Variants in MTRF1 observed in about 807,000 individuals in gnomAD.
MTRF1 encodes the protein peptide chain release factor 1, mitochondrial.
A neutral mutation model predicts 62.9 loss-of-function variants in MTRF1; 51 were observed. That is an observed-to-expected ratio of 0.81 (90% CI 0.65 to 1.02). The LOEUF is 1.02. Among genes scored for constraint, MTRF1 ranks in the 50% least tolerant of loss-of-function variants. The pLI is 0.00. For missense variants in MTRF1, 446 were observed against 530.0 expected (o/e 0.84, Z 1.56); for synonymous variants, 158 against 181.9 (o/e 0.87, Z 1.06).
intron 6 of MTRF1, among the ~76,000 whole-genome samples, chr13:41,234,894 G>A (rs1233315377): frequency 1.3e-5 from 2 of 152,132 alleles, no homozygotes; most frequent in Admixed American, 1.3e-4. Flanking sequence ...TGGTTCTGGG[G>A]CCAATTTGGA....
chr13:41,278,352 G>A, the MTRF1 span, among the ~76,000 whole-genome samples: 3 of 152,252 alleles, frequency 2.0e-5, no homozygotes, highest in African/African-American at 7.2e-5. Context: ...ACACTTCACA[G>A]TGTGGGAGTG....
At chr13:41,247,418 G>A (rs1267645627) in intron 5 of MTRF1, among the ~76,000 whole-genome samples, 2 of 152,182 alleles carry the variant, frequency 1.3e-5, no homozygotes, top group African/African-American at 4.8e-5. Context: ...TGTATACCAG[G>A]TACCAGGGAT....
At chr13:41,302,536 AT>A in the MTRF1 span, among the ~76,000 whole-genome samples, 7,825 of 146,894 alleles carry the variant, frequency 0.053, 266 homozygotes, top group Non-Finnish European at 0.074. Flanking sequence ...TTTTTTTTAA[AT>A]TTTTTTTTTT....
At chr13:41,230,092 A>G (rs2035246176) in intron 7 of MTRF1, among the ~76,000 whole-genome samples, 1 of 151,494 alleles carries the variant, frequency 6.6e-6, no homozygotes, top group Non-Finnish European at 1.5e-5. Context: ...TGACAGAGCT[A>G]GACTCCATCT....
chr13:41,219,831 T>C (rs1360878745), intron 9 of MTRF1, among the ~76,000 whole-genome samples: 3 of 151,518 alleles, frequency 2.0e-5, no homozygotes, highest in Non-Finnish European at 4.4e-5. Context: ...AAACCCCGTT[T>C]CTACTAAAAA....
the MTRF1 span, among the ~76,000 whole-genome samples, chr13:41,270,350 G>C: frequency 2.0e-5 from 3 of 152,028 alleles, no homozygotes; most frequent in East Asian, 5.8e-4. Context: ...TAAAATATTT[G>C]ATTCACATAT....
At chr13:41,275,595 T>C in the MTRF1 span, among the ~76,000 whole-genome samples, 8,016 of 151,940 alleles carry the variant, frequency 0.053, 281 homozygotes, top group Non-Finnish European at 0.074. Flanking sequence ...CGGGTTCAAA[T>C]GATCCTCCAT....
intron 5 of MTRF1, among the ~76,000 whole-genome samples, chr13:41,242,719 C>A (rs1232193854): frequency 6.6e-6 from 1 of 152,076 alleles, no homozygotes; most frequent in Non-Finnish European, 1.5e-5. Flanking sequence ...GAGCAAAGGA[C>A]AAGTTTCCAC....
At chr13:41,245,865 T>G (rs1212650371) in intron 5 of MTRF1, among the ~76,000 whole-genome samples, 1 of 152,136 alleles carries the variant, frequency 6.6e-6, no homozygotes, top group Admixed American at 6.5e-5. Context: ...TGGCTTTGGA[T>G]TAGATCTTCT....
At chr13:41,279,112 C>T in the MTRF1 span, among the ~76,000 whole-genome samples, 1 of 152,292 alleles carries the variant, frequency 6.6e-6, no homozygotes, top group African/African-American at 2.4e-5. Flanking sequence ...CCTCAGCCTC[C>T]TGAGTAGCTG....
At chr13:41,304,312 G>A in the MTRF1 span, among the ~76,000 whole-genome samples, 19 of 152,268 alleles carry the variant, frequency 1.2e-4, no homozygotes, top group African/African-American at 4.6e-4. Flanking sequence ...TGCCCAGATT[G>A]GAGGGCAGTG....
chr13:41,310,387 C>G, the MTRF1 span, among the ~76,000 whole-genome samples: 2 of 152,072 alleles, frequency 1.3e-5, no homozygotes, highest in Non-Finnish European at 2.9e-5. Context: ...AACCGTAATT[C>G]CGGCCAGGTG....
chr13:41,293,407 T>C, the MTRF1 span, among the ~76,000 whole-genome samples: 7 of 152,318 alleles, frequency 4.6e-5, no homozygotes, highest in African/African-American at 1.4e-4. Context: ...CAGCATACAC[T>C]TTGCCTGGGT....
At chr13:41,286,063 C>CA in the MTRF1 span, among the ~76,000 whole-genome samples, 5 of 26,548 alleles carry the variant, frequency 1.9e-4, no homozygotes, top group East Asian at 7.8e-4. Context: ...GACTCTGTCT[C>CA]AAAAAAAACA....
At chr13:41,308,112 T>C in the MTRF1 span, among the ~76,000 whole-genome samples, 1 of 151,690 alleles carries the variant, frequency 6.6e-6, no homozygotes, top group Admixed American at 6.6e-5. Context: ...GATTTAGGGG[T>C]TGGGGAGAGC....
intron 9 of MTRF1, among the ~76,000 whole-genome samples, chr13:41,221,613 C>CGG (rs1476376101): frequency 3.3e-5 from 5 of 152,092 alleles, no homozygotes; most frequent in Non-Finnish European, 5.9e-5. Flanking sequence ...TAGAGCTTAC[C>CGG]AGTGTTATTT....
chr13:41,252,982 T>C lies in MTRF1; in HGVS notation c.556A>G (p.Ile186Val). Reference protein sequence around the residue: ...PKEKYDKNDVILEVTAGRTTG... With the variant: ...PKEKYDKNDVVLEVTAGRTTG... Reference sequence around the variant, plus strand: ...GTCCTTCCAGCTGTCACCTCTAAAATAACATCATTTTTGTCATATTTCTCC... The same window carrying C: ...GTCCTTCCAGCTGTCACCTCTAAAACAACATCATTTTTGTCATATTTCTCC... Residue 186 changes from isoleucine to valine, a missense_variant, in exon 4 of 10, where the codon ATT becomes GTT. Physicochemically the swap from Ile to Val is conservative, Grantham distance 29 (BLOSUM62 3). Coordinates refer to ENST00000379480, the MANE Select transcript of MTRF1 (RefSeq NM_004294.4). 6.2e-7 allele frequency: 1 copy of C among 1,608,192 alleles called. No homozygotes were observed. Among genetic ancestry groups the C allele is most frequent in the Non-Finnish European group, 8.5e-7 (1 of 1,177,956 alleles).
chr13:41,217,067 T>C lies in MTRF1; in HGVS notation c.*48A>G, dbSNP rs2032023123. On this transcript the variant is annotated 3_prime_UTR_variant, in exon 10 of 10. Coordinates refer to ENST00000379480, the MANE Select transcript of MTRF1 (RefSeq NM_004294.4). ...TTCCAAGCTTCAGTCTGCCTCTTGA[T>C]ATAGGTCCATTTCATTTATATAATC... The C allele has an allele frequency of 2.7e-6, 3 of 1,093,756 alleles. No homozygotes were observed. Among genetic ancestry groups the C allele is most frequent in the Non-Finnish European group, 4.0e-6 (3 of 743,444 alleles). The allele number at this position is 1,093,756 out of a possible 1,614,324, so 67.8% of individuals were successfully genotyped here.
chr13:41,292,513 G>A, the MTRF1 span, among the ~76,000 whole-genome samples: 31 of 150,384 alleles, frequency 2.1e-4, no homozygotes, highest in Middle Eastern at 3.4e-3. Context: ...CCTGGGAGGC[G>A]GAGCTTGCAG....
Sources: gnomAD v4.1 joint callset for allele counts (sites outside exome capture counted in the v4.1 genomes callset) on GRCh38, gnomAD v4.1.1 for gene constraint, MANE v1.5 for transcripts, NCBI Gene and HGNC (gene_info 2026-07-23, HGNC 2026-07-21) for gene names.